The following ZSCAN10 variants were observed in gnomAD, a reference collection of about 807,000 sequenced individuals.
ZSCAN10 encodes the protein zinc finger and SCAN domain-containing protein 10.
ZSCAN10 carries 52 observed loss-of-function variants against 63.7 expected under a neutral mutation model. The observed-to-expected ratio is 0.82, with a 90% CI of 0.65 to 1.03. ZSCAN10 has a LOEUF of 1.03. ZSCAN10 is among the 50% of genes least tolerant of loss of function. The probability of loss-of-function intolerance (pLI) is 0.00; values close to 1 mark genes in which losing one functional copy is unlikely to be tolerated. For missense variants in ZSCAN10, 1,223 were observed against 1,103.8 expected, an observed-to-expected ratio of 1.11 and a Z score of -1.53; for synonymous variants, 544 against 479.6, an observed-to-expected ratio of 1.13 and a Z score of -1.76.
At position 3,092,120 on chromosome 16, in the gene ZSCAN10, C is replaced by G; in HGVS notation, c.593G>C (p.Arg198Thr). The change falls in exon 3 of 6, where the codon AGG becomes ACG. Residue 198 changes from arginine (R) to threonine (T), a missense_variant. Arg to Thr is a moderately conservative substitution (Grantham distance 71). Transcript: ENST00000576985. ...AAQPAEPGQW[R>T]LPPSSKQPLS... Reference sequence around the variant, plus strand: ...CGGCTGCTTTGAACTTGGGGGAAGCCTCCACTGTCCCGGCTCAGCAGGCTG... The same window carrying G: ...CGGCTGCTTTGAACTTGGGGGAAGCGTCCACTGTCCCGGCTCAGCAGGCTG... The G allele has an allele frequency of 6.2e-7, 1 of 1,610,500 alleles. No homozygotes were observed. Among genetic ancestry groups the G allele is most frequent in the Non-Finnish European group, 8.5e-7 (1 of 1,178,020 alleles).
In ZSCAN10 at chr16:3,092,587, C is replaced by T; in HGVS notation, c.351G>A (p.Leu117=). The T allele has an allele frequency of 6.3e-7, 1 of 1,585,798 alleles. No individual in the cohort carries two copies. The highest frequency in any genetic ancestry group is 8.6e-7 in the Non-Finnish European group (1 of 1,166,892). The change falls in exon 2 of 6, where the codon CTG becomes CTA. Residue 117 remains leucine (L), a synonymous_variant. Coordinates refer to ENST00000576985, the MANE Select transcript of ZSCAN10 (RefSeq NM_032805.3). ...QPLRDGEEVV[L]LLEGIHREPS... ...GCTCCCGGTGGATGCCCTCGAGCAGCAGCACCACCTCCTCCCCATCCCTGA... is the reference window on the plus strand; with the variant it reads ...GCTCCCGGTGGATGCCCTCGAGCAGTAGCACCACCTCCTCCCCATCCCTGA...
intron 1 of ZSCAN10, among the ~76,000 whole-genome samples, chr16:3,098,816 C>T (rs986724932): frequency 6.6e-5 from 10 of 152,214 alleles, no homozygotes; most frequent in African/African-American, 9.6e-5. Context: ...AAGGTGGGGT[C>T]CTCAGCCGGG....
In ZSCAN10 at chr16:3,089,492, G is replaced by C. The variant is rs1957034281; in HGVS notation, c.1942C>G (p.His648Asp). 6.2e-7 allele frequency: 1 copy of C among 1,600,628 alleles called. No homozygotes were observed. The highest frequency in any genetic ancestry group is 1.7e-5 in the Admixed American group (1 of 58,120). ...TGGATGCGCTGGTGGCGCGCCAGGT[G>C]GGCGCTCTGGCTGAAGCCCTCACCG... The part of the protein sequence containing the change: ...ECGEGFSQSA[H>D]LARHQRIHTG... Residue 648 changes from histidine to aspartate, a missense_variant, in exon 6 of 6, where the codon CAC (histidine) becomes GAC (aspartate). His to Asp is a moderately conservative substitution (Grantham distance 81, BLOSUM62 -1). Coordinates refer to ENST00000576985, the MANE Select transcript of ZSCAN10 (RefSeq NM_032805.3).
At chr16:3,095,736 G>A (rs1425038177) in intron 1 of ZSCAN10, among the ~76,000 whole-genome samples, 2 of 150,794 alleles carry the variant, frequency 1.3e-5, no homozygotes, top group African/African-American at 4.9e-5. Context: ...GCTGAGGCAG[G>A]AGAATGGCGT....
chr16:3,091,958 C>A (rs923475422), intron 3 of ZSCAN10, 91 bp downstream of exon 3: 2 of 1,571,722 alleles, frequency 1.3e-6, no homozygotes, highest in Non-Finnish European at 1.7e-6. Context: ...GTCCTGGTCA[C>A]CTGGGGAGGC....
At position 3,089,197 on chromosome 16, in the gene ZSCAN10, T is replaced by A; in HGVS notation, c.2237A>T (p.His746Leu). The change falls in exon 6 of 6, where the codon CAC (histidine) becomes CTC (leucine). Residue 746 changes from histidine (H) to leucine (L), a missense_variant. By Grantham distance (99) the His-to-Leu change is moderately conservative (BLOSUM62 -3). Transcript: ENST00000576985. ...SCNLLRHLLV[H>L]TGARPYSCTQ... is the part of the protein sequence containing the mutation. ...GCAGGAGTAGGGCCTGGCGCCCGTGTGCACCAGCAGGTGTCGCAGCAGATT... is the reference window on the plus strand; with the variant it reads ...GCAGGAGTAGGGCCTGGCGCCCGTGAGCACCAGCAGGTGTCGCAGCAGATT... 6.3e-7 allele frequency: 1 copy of A among 1,582,810 alleles called. No homozygotes were observed. Among genetic ancestry groups the A allele is most frequent in the Non-Finnish European group, 8.5e-7 (1 of 1,171,738 alleles).
Position 3,092,531 on chromosome 16 carries a change from C to A in ZSCAN10, c.396+11G>T. 1 of 1,500,574 alleles carries A rather than the reference C, an allele frequency of 6.7e-7. No individual in the cohort carries two copies. 93.0% of individuals were successfully genotyped at this position (1,500,574 alleles called of 1,614,324 possible). A position where few individuals can be genotyped will look rare whatever the true frequency, so the allele number is the denominator to read the frequency against. Reference sequence around the variant, plus strand: ...CCGCATGCTGCTCAGCCCGCTGCCCCACCCTCTCACCAGCGGCCCCGCGTG... The same window carrying A: ...CCGCATGCTGCTCAGCCCGCTGCCCAACCCTCTCACCAGCGGCCCCGCGTG... On this transcript the variant is annotated intron_variant, in intron 2 of 5. Coordinates refer to ENST00000576985, the MANE Select transcript of ZSCAN10 (RefSeq NM_032805.3).
chr16:3,091,697 T>A, intron 4 of ZSCAN10, 67 bp downstream of exon 4: 1 of 1,606,086 alleles, frequency 6.2e-7, no homozygotes, highest in Non-Finnish European at 8.5e-7. Context: ...AGGTATGGAT[T>A]TGCTAAAACT....
At position 3,089,430 on chromosome 16, in the gene ZSCAN10, G is replaced by T; in HGVS notation, c.2004C>A (p.Gly668=). 6.2e-7 allele frequency: 1 copy of T among 1,604,840 alleles called. No homozygotes were observed. The highest frequency in any genetic ancestry group is 8.5e-7 in the Non-Finnish European group (1 of 1,178,478). ...GEKPHACDTC[G]HRFRNSSNLA... is the part of the protein sequence containing the mutation. ...GGTTGGAGCTATTGCGGAAACGGTG[G>T]CCGCAGGTGTCGCAGGCGTGGGGCT... The change falls in exon 6 of 6, where the codon GGC becomes GGA. Residue 668 remains glycine, a synonymous_variant. Coordinates refer to ENST00000576985, the MANE Select transcript of ZSCAN10 (RefSeq NM_032805.3).
rs751263901 is a variant in ZSCAN10 at position 3,090,277 on chromosome 16, C to G, written c.1157G>C (p.Gly386Ala). The G allele has an allele frequency of 1.9e-6, 3 of 1,608,902 alleles. No individual in the cohort carries two copies. The South Asian group carries it at 3.3e-5, about 18-fold the overall frequency. Residue 386 changes from glycine to alanine, a missense_variant, in exon 6 of 6, where the codon GGC becomes GCC. Physicochemically the swap from Gly to Ala is moderately conservative, Grantham distance 60. Transcript: ENST00000576985. ...FLCLCCGKSF[G>A]RSSILKLHMR... is the part of the protein sequence containing the mutation. Reference sequence around the variant, plus strand: ...GTGCAGCTTGAGAATGGAGCTGCGGCCGAAGCTCTTCCCGCAGCAAAGGCA... The same window carrying G: ...GTGCAGCTTGAGAATGGAGCTGCGGGCGAAGCTCTTCCCGCAGCAAAGGCA...
intron 1 of ZSCAN10, among the ~76,000 whole-genome samples, chr16:3,094,924 G>A (rs746727272): frequency 2.7e-5 from 4 of 150,752 alleles, no homozygotes; most frequent in Non-Finnish European, 4.4e-5. Context: ...ATAACAGTAT[G>A]ACTACCCATT....
rs745453332 is a variant in ZSCAN10, at chr16:3,089,691, C to T, written c.1743G>A (p.Pro581=). ...GGCGCACAAAGCGCTTCCCGCACTG[C>T]GGACAGGCGTAGGGCTTCTCGCCCG... ...VHTGEKPYAC[P]QCGKRFVRRA... Residue 581 remains proline, a synonymous_variant, in exon 6 of 6, where the codon CCG becomes CCA. Transcript: ENST00000576985. The T allele has an allele frequency of 1.9e-6, 3 of 1,603,620 alleles. No homozygotes were observed. The highest frequency in any genetic ancestry group is 1.3e-5 in the African/African-American group (1 of 74,480).
intron 2 of ZSCAN10, 100 bp from the exon 3 acceptor site, chr16:3,092,416 G>A: frequency 1.3e-6 from 2 of 1,501,802 alleles, no homozygotes; most frequent in South Asian, 2.6e-5. Context: ...GTCAGCCAGG[G>A]GAGGAGTTAG....
chr16:3,098,886 G>A (rs1302461911), intron 1 of ZSCAN10, among the ~76,000 whole-genome samples: 1 of 152,212 alleles, frequency 6.6e-6, no homozygotes, highest in Admixed American at 6.5e-5. Flanking sequence ...TTGTTGGAGG[G>A]GCCTCCCTCC....
At chr16:3,091,255 TG>T in intron 5 of ZSCAN10, among the ~76,000 whole-genome samples, 2 of 151,334 alleles carry the variant, frequency 1.3e-5, no homozygotes, top group African/African-American at 4.9e-5. Context: ...CCGGCTGCAG[TG>T]AGCCATGATT....
rs1414967789 is a variant in ZSCAN10 at position 3,089,568 on chromosome 16, G to A, written c.1866C>T (p.Ala622=). 13 of 1,593,836 alleles carry A rather than the reference G, an allele frequency of 8.2e-6. No individual in the cohort carries two copies. In the African/African-American group the frequency reaches 1.3e-4, roughly 16 times the overall value. The change falls in exon 6 of 6, where the codon GCC becomes GCT. Residue 622 remains alanine, a synonymous_variant. Coordinates refer to ENST00000576985, the MANE Select transcript of ZSCAN10 (RefSeq NM_032805.3). ...CGCCCGTGTGGCTGCGCTGGTGGCG[G>A]GCCAGATCCTGGGTCTGGCCGAAAC... ...GKSFGQTQDL[A]RHQRSHTGEK...
At chr16:3,099,024 A>G (rs1957189991) in intron 1 of ZSCAN10, among the ~76,000 whole-genome samples, 166 bp downstream of exon 1, 1 of 152,176 alleles carries the variant, frequency 6.6e-6, no homozygotes. Context: ...CAGGTCCACC[A>G]AGCTGGCTGG....
Position 3,092,189 on chromosome 16 carries a change from A to C in ZSCAN10, c.524T>G (p.Leu175Arg). The change falls in exon 3 of 6, where the codon CTG becomes CGG. Residue 175 changes from leucine (L) to arginine (R), a missense_variant. Leu to Arg is a moderately radical substitution (Grantham distance 102, BLOSUM62 -2). Coordinates refer to ENST00000576985, the MANE Select transcript of ZSCAN10 (RefSeq NM_032805.3). ...KELPAEEPSV[L>R]GPSDEPPRPQ... Reference sequence around the variant, plus strand: ...TCGGGGAGGCTCATCCGATGGGCCCAGCACTGAAGGCTCTTCCGCAGGCAA... The same window carrying C: ...TCGGGGAGGCTCATCCGATGGGCCCCGCACTGAAGGCTCTTCCGCAGGCAA... The C allele has an allele frequency of 6.2e-7, 1 of 1,612,886 alleles. No individual in the cohort carries two copies. Among genetic ancestry groups the C allele is most frequent in the Non-Finnish European group, 8.5e-7 (1 of 1,180,018 alleles).
intron 2 of ZSCAN10, 28 bp downstream of exon 2, chr16:3,092,514 T>G (rs776040355): frequency 1.5e-5 from 22 of 1,473,152 alleles, no homozygotes; most frequent in Non-Finnish European, 2.0e-5. Flanking sequence ...ATCCGCATGC[T>G]GCTCAGCCCG....
Sources: gnomAD v4.1 joint callset for allele counts (sites outside exome capture counted in the v4.1 genomes callset) on GRCh38, gnomAD v4.1.1 for gene constraint, MANE v1.5 for transcripts, NCBI Gene and HGNC (gene_info 2026-07-23, HGNC 2026-07-21) for gene names.